PHLPP1: variants seen among roughly 807,000 people sequenced by gnomAD.
PHLPP1 encodes PH domain leucine-rich repeat-containing protein phosphatase 1.
In PHLPP1, 42 loss-of-function variants were observed where a neutral mutation model predicts 117.2. The observed-to-expected ratio is 0.36, with a 90% confidence interval of 0.28 to 0.46. The LOEUF is 0.46. PHLPP1 is among the 20% of genes least tolerant of loss of function. The pLI is 1.00. For missense variants in PHLPP1, 2,084 were observed against 2,241.9 expected (o/e 0.93, Z 1.42); for synonymous variants, 1,042 against 970.7 (o/e 1.07, Z -1.37).
intron 1 of PHLPP1, among the ~76,000 whole-genome samples, chr18:62,735,853 T>C (rs566426576): frequency 3.3e-5 from 5 of 152,138 alleles, no homozygotes; most frequent in African/African-American, 9.6e-5. Context: ...ACCTGACAAA[T>C]GCCATAAGTG....
At chr18:62,959,902 G>A (rs1208825959) in intron 13 of PHLPP1, among the ~76,000 whole-genome samples, 2 of 152,078 alleles carry the variant, frequency 1.3e-5, no homozygotes, top group East Asian at 1.9e-4. Context: ...TGAGGAAGGC[G>A]TAGAGACCGA....
At chr18:62,851,610 G>A (rs891941189) in intron 3 of PHLPP1, among the ~76,000 whole-genome samples, 12 of 152,054 alleles carry the variant, frequency 7.9e-5, no homozygotes, top group Non-Finnish European at 1.3e-4. Flanking sequence ...ACAGGTGTGC[G>A]CCACCACACC....
rs566168461 is a variant in PHLPP1 at position 62,770,158 on chromosome 18, T to C, written c.1576+52899T>C. ...GGAGCTTCACTTTTGTCACCCAGGC[T>C]GGAGTGCACTGGCATGATCTTGGCT... On this transcript the variant is annotated intron_variant, in intron 1 of 16. Transcript: ENST00000262719. Among the ~76,000 whole-genome samples, 11 of 152,356 alleles carry C rather than the reference T, an allele frequency of 7.2e-5. No homozygotes were observed. The East Asian group carries it at 2.1e-3, about 29-fold the overall frequency.
In PHLPP1 at chr18:62,905,236, T is replaced by C; in HGVS notation, c.2660T>C (p.Leu887Pro). 1 of 1,546,792 alleles carries C rather than the reference T, an allele frequency of 6.5e-7. No individual in the cohort carries two copies. ...LYASSNELVQ[L>P]DVYPVPNYLS... ...TTTTTCTTCCTAGAACTTGTTCAAC[T>C]TGATGTTTACCCAGTTCCAAATTAT... Residue 887 changes from leucine (L) to proline (P), a missense_variant, in exon 8 of 17, where the codon CTT becomes CCT. Coordinates refer to ENST00000262719, the MANE Select transcript of PHLPP1 (RefSeq NM_194449.4).
At chr18:62,939,155 T>C (rs1249465880) in intron 10 of PHLPP1, among the ~76,000 whole-genome samples, 3 of 151,934 alleles carry the variant, frequency 2.0e-5, no homozygotes, top group African/African-American at 7.3e-5. Context: ...CACACCCAGC[T>C]AATATTTGTA....
At chr18:62,767,065 A>G (rs1912565606) in intron 1 of PHLPP1, among the ~76,000 whole-genome samples, 1 of 152,238 alleles carries the variant, frequency 6.6e-6, no homozygotes, top group South Asian at 2.1e-4. Flanking sequence ...ATTACAAGAA[A>G]TGGTGGAGGG....
At chr18:62,973,278 A>T (rs1272390036) in intron 15 of PHLPP1, among the ~76,000 whole-genome samples, 2 of 152,254 alleles carry the variant, frequency 1.3e-5, no homozygotes, top group Non-Finnish European at 2.9e-5. Flanking sequence ...TGGAGTTGCC[A>T]CCAGCAGCAG....
intron 8 of PHLPP1, among the ~76,000 whole-genome samples, chr18:62,906,553 C>G (rs1392216952): frequency 5.6e-5 from 7 of 124,748 alleles, no homozygotes; most frequent in Non-Finnish European, 8.4e-5. Flanking sequence ...ACGGACGCAC[C>G]TGGAAAATCG....
intron 10 of PHLPP1, among the ~76,000 whole-genome samples, chr18:62,921,511 T>A (rs1291380090): frequency 6.6e-6 from 1 of 152,218 alleles, no homozygotes; most frequent in Non-Finnish European, 1.5e-5. Context: ...GTATTGTAAT[T>A]TCTTGTTCAC....
chr18:62,762,262 T>G (rs549006230), intron 1 of PHLPP1, among the ~76,000 whole-genome samples: 4 of 151,738 alleles, frequency 2.6e-5, no homozygotes, highest in Middle Eastern at 3.4e-3. Context: ...ATTGATTGTT[T>G]AGGATCCTGT....
At chr18:62,767,229 G>A (rs929042045) in intron 1 of PHLPP1, among the ~76,000 whole-genome samples, 1 of 152,072 alleles carries the variant, frequency 6.6e-6, no homozygotes, top group South Asian at 2.1e-4. Flanking sequence ...GAATGGGGAA[G>A]GTTAAAATAC....
chr18:62,853,587 C>G (rs899870123), intron 3 of PHLPP1, among the ~76,000 whole-genome samples: 1 of 152,126 alleles, frequency 6.6e-6, no homozygotes, highest in African/African-American at 2.4e-5. Flanking sequence ...CCAGGCTGGT[C>G]TCGAACTCCT....
At chr18:62,939,943 T>G (rs1472646075) in intron 10 of PHLPP1, among the ~76,000 whole-genome samples, 1 of 152,014 alleles carries the variant, frequency 6.6e-6, no homozygotes, top group Non-Finnish European at 1.5e-5. Flanking sequence ...CTGAATTGAA[T>G]GGTGAAAGTT....
intron 1 of PHLPP1, among the ~76,000 whole-genome samples, chr18:62,771,595 G>A (rs1199090482): frequency 6.6e-6 from 1 of 152,140 alleles, no homozygotes; most frequent in Non-Finnish European, 1.5e-5. Context: ...AAAGGTTAGT[G>A]CACACTGAGC....
chr18:62,808,357 G>A (rs1400309188), intron 1 of PHLPP1, among the ~76,000 whole-genome samples: 1 of 147,906 alleles, frequency 6.8e-6, no homozygotes, highest in African/African-American at 2.7e-5. Context: ...TGTAATTCAA[G>A]TGAAGAAGAC....
intron 11 of PHLPP1, among the ~76,000 whole-genome samples, chr18:62,943,827 G>T (rs1022101775): frequency 6.6e-6 from 1 of 152,072 alleles, no homozygotes; most frequent in Admixed American, 6.5e-5. Context: ...TTCAAAATAT[G>T]ATGATAACAT....
chr18:62,862,404 TAA>T (rs1568141927), intron 4 of PHLPP1, among the ~76,000 whole-genome samples: 1 of 152,178 alleles, frequency 6.6e-6, no homozygotes, highest in Non-Finnish European at 1.5e-5. Flanking sequence ...ATCTTATCAG[TAA>T]AGTCTTTTAA....
chr18:62,723,692 A>C (rs541970039), intron 1 of PHLPP1, among the ~76,000 whole-genome samples: 3 of 152,158 alleles, frequency 2.0e-5, no homozygotes, highest in Non-Finnish European at 4.4e-5. Flanking sequence ...GGTTGGGTCA[A>C]AGTCACTCTC....
chr18:62,841,895 A>G (rs975487243), intron 3 of PHLPP1, among the ~76,000 whole-genome samples: 1 of 152,210 alleles, frequency 6.6e-6, no homozygotes, highest in African/African-American at 2.4e-5. Flanking sequence ...GGCTTTGATT[A>G]GAGAAGCTGT....
Sources: allele counts gnomAD v4.1 joint callset (sites outside exome capture counted in the v4.1 genomes callset), GRCh38; gene constraint gnomAD v4.1.1; transcripts MANE v1.5; gene names NCBI Gene and HGNC (gene_info 2026-07-23, HGNC 2026-07-21).